Variants in VNN1 observed in about 807,000 individuals in gnomAD.
VNN1 encodes the protein vanin 1.
A neutral mutation model predicts 41.9 loss-of-function variants in VNN1; 29 were observed. The observed-to-expected ratio is 0.69, with a 90% CI of 0.52 to 0.94. The LOEUF is 0.94. Among genes scored for constraint, VNN1 ranks in the 40% least tolerant of loss-of-function variants. The probability of loss-of-function intolerance (pLI) is 0.00; values close to 1 mark genes in which losing one functional copy is unlikely to be tolerated. For synonymous variants in VNN1, 233 were observed against 224.4 expected (o/e 1.04, Z -0.34); for missense variants, 637 against 621.1 (o/e 1.03, Z -0.27).
rs1462749373 is a variant in VNN1, at chr6:132,692,466, G to T, written c.945C>A (p.Asn315Lys). The change falls in exon 5 of 7, where the codon AAC becomes AAA. Residue 315 changes from asparagine (N) to lysine (K), a missense_variant. Physicochemically the swap from Asn to Lys is moderately conservative, Grantham distance 94. Coordinates refer to ENST00000367928, the MANE Select transcript of VNN1 (RefSeq NM_004666.3). ...DSHPSHSAVV[N>K]WTSYASSIEA... is the part of the protein sequence containing the mutation. ...CTATACTGCTGGCATAGGAAGTCCA[G>T]TTCACCACTGCAGAATGGGATGGGT... is the stretch of plus-strand genomic sequence containing the variant. 1 of 1,613,950 alleles carries T rather than the reference G, an allele frequency of 6.2e-7. No individual in the cohort carries two copies. The highest frequency in any genetic ancestry group is 8.5e-7 in the Non-Finnish European group (1 of 1,180,044).
chr6:132,696,018 A>G (rs1778366189), intron 2 of VNN1, among the ~76,000 whole-genome samples: 2 of 152,218 alleles, frequency 1.3e-5, no homozygotes, highest in Admixed American at 1.3e-4. Flanking sequence ...CATCCCTGAA[A>G]AGGACCACAT....
chr6:132,703,807 T>C (rs1049726102), intron 2 of VNN1, among the ~76,000 whole-genome samples: 2 of 152,144 alleles, frequency 1.3e-5, no homozygotes, highest in African/African-American at 2.4e-5. Flanking sequence ...GTCGATTGTG[T>C]ACAAGAAACA....
chr6:132,713,254 T>C (rs909478826), intron 1 of VNN1, among the ~76,000 whole-genome samples: 4 of 152,236 alleles, frequency 2.6e-5, no homozygotes, highest in Non-Finnish European at 5.9e-5. Context: ...AAAATAATAT[T>C]TGTGTAAACC....
At chr6:132,691,156 T>C (rs562586587) in intron 5 of VNN1, among the ~76,000 whole-genome samples, 1 of 152,344 alleles carries the variant, frequency 6.6e-6, no homozygotes, top group South Asian at 2.1e-4. Context: ...ACCACACATC[T>C]AGACTTTGTG....
At chr6:132,696,879 G>GGA (rs1334820371) in intron 2 of VNN1, among the ~76,000 whole-genome samples, 1 of 152,058 alleles carries the variant, frequency 6.6e-6, no homozygotes, top group Non-Finnish European at 1.5e-5. Flanking sequence ...TGAGGCCAGT[G>GGA]GAACACCTGA....
rs45580133 is a variant in VNN1, at chr6:132,681,304, A to C, written c.*1836T>G. Reference sequence around the variant, plus strand: ...TTATGAAAGTTTTTCTAGCATCCTAAAGAATGGAGGCCTGGCAACCGCCGT... The same window carrying C: ...TTATGAAAGTTTTTCTAGCATCCTACAGAATGGAGGCCTGGCAACCGCCGT... On this transcript the variant is annotated 3_prime_UTR_variant, in exon 7 of 7. Coordinates refer to ENST00000367928, the MANE Select transcript of VNN1 (RefSeq NM_004666.3). 0.028 allele frequency among the ~76,000 whole-genome samples: 4,186 copies of C among 152,202 alleles called. 194 individuals carry two copies. The highest frequency in any genetic ancestry group is 0.095 in the African/African-American group (3,954 of 41,462).
chr6:132,682,656 C>G lies in VNN1; in HGVS notation c.*484G>C, dbSNP rs1252646827. On this transcript the variant is annotated 3_prime_UTR_variant, in exon 7 of 7. Transcript: ENST00000367928. ...AATACAGTCACATTCTGAGGTGCTT[C>G]AACATGTAAATTTTGGGGAGACATT... 1 of 152,538 alleles carries G rather than the reference C, an allele frequency of 6.6e-6. No individual in the cohort carries two copies. Among genetic ancestry groups the G allele is most frequent in the East Asian group, 1.9e-4 (1 of 5,208 alleles). 9.4% of individuals were successfully genotyped at this position (152,538 alleles called of 1,614,324 possible). A position where few individuals can be genotyped will look rare whatever the true frequency, so the allele number is the denominator to read the frequency against.
At chr6:132,698,445 A>G (rs1370137126) in intron 2 of VNN1, among the ~76,000 whole-genome samples, 3 of 152,266 alleles carry the variant, frequency 2.0e-5, no homozygotes, top group African/African-American at 7.2e-5. Context: ...CCAAGCATAC[A>G]ATGTGAGAGA....
At position 132,714,051 on chromosome 6, in the gene VNN1, G is replaced by A. The variant is rs750915541; in HGVS notation, c.-16C>T. On this transcript the variant is annotated 5_prime_UTR_variant, in exon 1 of 7. Transcript: ENST00000367928. ...GAGTAGTCATGCTGAAGTCCAATGA[G>A]TGCTGAAAAACAGAGCATGTCCTGG... 1 of 1,600,702 alleles carries A rather than the reference G, an allele frequency of 6.2e-7. No individual in the cohort carries two copies. The highest frequency in any genetic ancestry group is 1.1e-5 in the South Asian group (1 of 89,938).
At chr6:132,687,883 A>G (rs1384476342) in intron 5 of VNN1, among the ~76,000 whole-genome samples, 1 of 152,164 alleles carries the variant, frequency 6.6e-6, no homozygotes, top group Non-Finnish European at 1.5e-5. Flanking sequence ...ACAAAGAAAA[A>G]CTATAAAAGC....
intron 2 of VNN1, among the ~76,000 whole-genome samples, chr6:132,704,743 TCC>T (rs1324323830): frequency 6.8e-6 from 1 of 148,026 alleles, no homozygotes; most frequent in East Asian, 2.0e-4. Context: ...ATAAAAAACA[TCC>T]AAAAAAAACT....
chr6:132,683,480 G>T (rs940780126), intron 6 of VNN1, among the ~76,000 whole-genome samples, 158 bp from the exon 7 acceptor site: 2 of 152,146 alleles, frequency 1.3e-5, no homozygotes, highest in Non-Finnish European at 2.9e-5. Flanking sequence ...AAGAAAAATT[G>T]GAGCTATGAA....
intron 5 of VNN1, among the ~76,000 whole-genome samples, chr6:132,688,714 T>C (rs1373530285): frequency 6.6e-6 from 1 of 152,220 alleles, no homozygotes; most frequent in Non-Finnish European, 1.5e-5. Context: ...TATAAGGCTA[T>C]ATATGTTAAT....
Position 132,686,216 on chromosome 6 carries a change from G to A in VNN1, c.1189-1711C>T, listed in dbSNP as rs934259351. ...AATCCCAGCACTTTGGGAGGCCGAGGCAGGCGGATCACTTGAGGTCAGGAG... is the reference window on the plus strand; with the variant it reads ...AATCCCAGCACTTTGGGAGGCCGAGACAGGCGGATCACTTGAGGTCAGGAG... On this transcript the variant is annotated intron_variant, in intron 5 of 6. Transcript: ENST00000367928. Among the ~76,000 whole-genome samples the A allele has an allele frequency of 2.6e-5, 4 of 152,330 alleles. 1 individual carries two copies. The Middle Eastern group carries it at 0.01, about 389-fold the overall frequency.
intron 5 of VNN1, among the ~76,000 whole-genome samples, chr6:132,686,518 C>A (rs981102886): frequency 5.3e-5 from 8 of 152,186 alleles, no homozygotes; most frequent in African/African-American, 1.4e-4. Context: ...AATTAGGCAA[C>A]TGATTCAAGA....
intron 2 of VNN1, among the ~76,000 whole-genome samples, chr6:132,695,309 C>G (rs765300632): frequency 5.3e-5 from 8 of 152,094 alleles, no homozygotes; most frequent in Non-Finnish European, 7.4e-5. Flanking sequence ...CTTGCAACTT[C>G]CAGAAGAATG....
chr6:132,699,118 TG>T (rs1778415333), intron 2 of VNN1: 2 of 315,048 alleles, frequency 6.3e-6, no homozygotes, highest in South Asian at 7.2e-5. Flanking sequence ...AGGAAAGGGA[TG>T]TCCCATTGGC....
intron 5 of VNN1, 128 bp downstream of exon 5, chr6:132,692,095 T>G (rs1778294980): frequency 9.1e-7 from 1 of 1,099,044 alleles, no homozygotes; most frequent in Admixed American, 3.4e-5. Flanking sequence ...AACAAAATTT[T>G]TAGCATACAT....
intron 2 of VNN1, among the ~76,000 whole-genome samples, chr6:132,705,740 A>G (rs1194102172): frequency 6.6e-6 from 1 of 152,178 alleles, no homozygotes; most frequent in Non-Finnish European, 1.5e-5. Context: ...TTGTTTGCAG[A>G]TGTTATTATC....
Sources: gnomAD v4.1 joint callset for allele counts (sites outside exome capture counted in the v4.1 genomes callset) on GRCh38, gnomAD v4.1.1 for gene constraint, MANE v1.5 for transcripts, NCBI Gene and HGNC (gene_info 2026-07-23, HGNC 2026-07-21) for gene names.